Variants in XYLT1 observed in about 807,000 individuals in gnomAD.
The protein encoded by XYLT1 is xylosyltransferase 1.
A neutral mutation model predicts 91.3 loss-of-function variants in XYLT1; 36 were observed. The ratio of observed to expected loss-of-function variants is 0.39; its 90% CI spans 0.30 to 0.52. The LOEUF (loss-of-function observed/expected upper bound fraction) is 0.52. Among genes scored for constraint, XYLT1 ranks in the 20% least tolerant of loss-of-function variants. XYLT1 has a pLI of 0.68. For missense variants in XYLT1, 1,242 were observed against 1,284.5 expected, an observed-to-expected ratio of 0.97 and a Z score of 0.51; for synonymous variants, 588 against 532.0, an observed-to-expected ratio of 1.11 and a Z score of -1.45.
At chr16:17,333,042 CT>C (rs200716834) in intron 2 of XYLT1, among the ~76,000 whole-genome samples, 17 of 149,928 alleles carry the variant, frequency 1.1e-4, no homozygotes, top group Admixed American at 4.0e-4. Flanking sequence ...TAACTCAAAT[CT>C]TTTTTTTTTC....
chr16:17,409,197 T>C (rs918327000), intron 1 of XYLT1, among the ~76,000 whole-genome samples: 2 of 152,144 alleles, frequency 1.3e-5, no homozygotes, highest in African/African-American at 2.4e-5. Context: ...AAGCTCCAAC[T>C]TGCAATTCAG....
At chr16:17,268,840 T>C (rs1385377533) in intron 2 of XYLT1, among the ~76,000 whole-genome samples, 1 of 152,108 alleles carries the variant, frequency 6.6e-6, no homozygotes, top group African/African-American at 2.4e-5. Context: ...GCCCGACTAA[T>C]TTTTGTATTT....
chr16:17,138,020 TGAAAAG>T (rs921418075), intron 8 of XYLT1, among the ~76,000 whole-genome samples: 3 of 142,340 alleles, frequency 2.1e-5, no homozygotes, highest in African/African-American at 8.3e-5. Flanking sequence ...GAGATTCTGA[TGAAAAG>T]GGAATAAAGA....
At chr16:17,426,068 A>T (rs1001957863) in intron 1 of XYLT1, among the ~76,000 whole-genome samples, 2 of 152,218 alleles carry the variant, frequency 1.3e-5, no homozygotes, top group Admixed American at 1.3e-4. Context: ...CCCATTAATG[A>T]CAGTATCTAT....
At chr16:17,178,817 C>A (rs1185769702) in intron 5 of XYLT1, among the ~76,000 whole-genome samples, 4 of 152,140 alleles carry the variant, frequency 2.6e-5, no homozygotes, top group Non-Finnish European at 4.4e-5. Context: ...TGCCTGTAAT[C>A]CCAGAACTTT....
chr16:17,283,763 C>T (rs868864979), intron 2 of XYLT1, among the ~76,000 whole-genome samples: 16 of 152,212 alleles, frequency 1.1e-4, no homozygotes, highest in Admixed American at 2.6e-4. Context: ...GGATACTTCA[C>T]GTGTCTTGGG....
chr16:17,387,517 G>A (rs1271783403), intron 1 of XYLT1, among the ~76,000 whole-genome samples: 1 of 152,142 alleles, frequency 6.6e-6, no homozygotes, highest in East Asian at 1.9e-4. Flanking sequence ...TGAGGCACAG[G>A]CTATTATCAG....
intron 3 of XYLT1, among the ~76,000 whole-genome samples, chr16:17,206,521 C>A (rs891844324): frequency 6.6e-6 from 1 of 152,052 alleles, no homozygotes; most frequent in African/African-American, 2.4e-5. Flanking sequence ...TTTCCTTGGT[C>A]CTGTAGAATC....
chr16:17,344,986 T>G (rs1383904169), intron 2 of XYLT1, among the ~76,000 whole-genome samples: 2 of 152,174 alleles, frequency 1.3e-5, no homozygotes, highest in African/African-American at 2.4e-5. Flanking sequence ...TACATAGGCG[T>G]GAGCCACTGC....
chr16:17,167,934 G>T (rs2141553150), intron 5 of XYLT1, among the ~76,000 whole-genome samples: 1 of 152,238 alleles, frequency 6.6e-6, no homozygotes, highest in Middle Eastern at 3.4e-3. Flanking sequence ...AGGAGACACT[G>T]CCAGTGCTCT....
At chr16:17,183,398 T>C (rs2032112850) in intron 5 of XYLT1, among the ~76,000 whole-genome samples, 1 of 152,150 alleles carries the variant, frequency 6.6e-6, no homozygotes, top group African/African-American at 2.4e-5. Context: ...GAGAGAGCTT[T>C]ACCCCAGAAC....
At chr16:17,449,266 A>G (rs1353116135) in intron 1 of XYLT1, among the ~76,000 whole-genome samples, 1 of 152,252 alleles carries the variant, frequency 6.6e-6, no homozygotes, top group East Asian at 1.9e-4. Flanking sequence ...CATCCTGGGG[A>G]AAGGCTCTGA....
chr16:17,112,965 G>A (rs538564087), intron 11 of XYLT1, among the ~76,000 whole-genome samples: 102 of 151,968 alleles, frequency 6.7e-4, no homozygotes, highest in African/African-American at 2.2e-3. Context: ...TCAGCCTCCC[G>A]AGTAGCTGGG....
At chr16:17,335,362 C>G (rs2034964362) in intron 2 of XYLT1, among the ~76,000 whole-genome samples, 1 of 152,062 alleles carries the variant, frequency 6.6e-6, no homozygotes, top group South Asian at 2.1e-4. Flanking sequence ...TCCACATGCT[C>G]CCACAGGAAC....
At chr16:17,112,920 A>G (rs1376634946) in intron 11 of XYLT1, among the ~76,000 whole-genome samples, 2 of 151,794 alleles carry the variant, frequency 1.3e-5, no homozygotes, top group Non-Finnish European at 2.9e-5. Context: ...GCTCACTGCA[A>G]CCTCCACCTC....
At chr16:17,269,893 C>A (rs955458413) in intron 2 of XYLT1, among the ~76,000 whole-genome samples, 1 of 151,830 alleles carries the variant, frequency 6.6e-6, no homozygotes, top group African/African-American at 2.4e-5. Flanking sequence ...CTCAGTGCAA[C>A]CTCCGCCTCC....
At chr16:17,380,360 G>A (rs1011283966) in intron 1 of XYLT1, among the ~76,000 whole-genome samples, 12 of 152,178 alleles carry the variant, frequency 7.9e-5, no homozygotes, top group Admixed American at 3.3e-4. Context: ...TTTAGCAGAC[G>A]AAGCAGTTGA....
intron 3 of XYLT1, among the ~76,000 whole-genome samples, chr16:17,212,159 C>T (rs774560463): frequency 4.8e-4 from 73 of 152,300 alleles, no homozygotes; most frequent in African/African-American, 1.1e-3. Context: ...CAACCCCAAA[C>T]CTTCTGAATC....
At chr16:17,439,230 T>C (rs967710814) in intron 1 of XYLT1, among the ~76,000 whole-genome samples, 5 of 152,178 alleles carry the variant, frequency 3.3e-5, no homozygotes, top group East Asian at 1.9e-4. Flanking sequence ...ACATGGCTAG[T>C]TGATTGCAGA....
Sources: allele counts gnomAD v4.1 joint callset (sites outside exome capture counted in the v4.1 genomes callset), GRCh38; gene constraint gnomAD v4.1.1; transcripts MANE v1.5; gene names NCBI Gene and HGNC (gene_info 2026-07-23, HGNC 2026-07-21).